The following RAP1GAP variants were observed in gnomAD, a reference collection of about 807,000 sequenced individuals.
The protein encoded by RAP1GAP is RAP1 GTPase activating protein, also known as rap1 GTPase-activating protein 1.
In RAP1GAP, 35 loss-of-function variants were observed where a neutral mutation model predicts 87.2. The ratio of observed to expected loss-of-function variants is 0.40; its 90% CI spans 0.31 to 0.53. The LOEUF (loss-of-function observed/expected upper bound fraction) is 0.53. RAP1GAP is among the 20% of genes least tolerant of loss of function. The pLI, the probability that RAP1GAP is intolerant of heterozygous loss-of-function variation, is 0.48. For synonymous variants in RAP1GAP, 375 were observed against 363.9 expected (o/e 1.03, Z -0.35); for missense variants, 734 against 898.9 (o/e 0.82, Z 2.35).
At chr1:21,604,410 G>A (rs2072159691) in intron 18 of RAP1GAP, among the ~76,000 whole-genome samples, 1 of 152,158 alleles carries the variant, frequency 6.6e-6, no homozygotes, top group East Asian at 1.9e-4. Context: ...ACAGGACGGG[G>A]AAAGGGAAGG....
chr1:21,608,435 C>A, intron 16 of RAP1GAP, 85 bp from the exon 17 acceptor site: 1 of 1,521,692 alleles, frequency 6.6e-7, no homozygotes, highest in Admixed American at 1.9e-5. Flanking sequence ...CCTTCTGAGG[C>A]ACGGGCCACC....
At position 21,608,285 on chromosome 1, in the gene RAP1GAP, C is replaced by G; in HGVS notation, c.1224G>C (p.Met408Ile). ...TGTCCTCGTCGCCGCCCAAGCCCATCATGGACTGGCTGTGGATGTGTAGTT... is the reference window on the plus strand; with the variant it reads ...TGTCCTCGTCGCCGCCCAAGCCCATGATGGACTGGCTGTGGATGTGTAGTT... ...YEELHIHSQSMMGLGGDEDKM... is the reference protein window; with the variant it reads ...YEELHIHSQSIMGLGGDEDKM... The change falls in exon 17 of 25, where the codon ATG (methionine) becomes ATC (isoleucine). Residue 408 changes from methionine to isoleucine, a missense_variant. By Grantham distance (10) the Met-to-Ile change is conservative (BLOSUM62 1). This residue lies in a region of RAP1GAP where 485 missense variants were observed against 646.2 expected (regional missense o/e 0.75). Transcript: ENST00000374765. The G allele has an allele frequency of 6.2e-7, 1 of 1,614,130 alleles. No homozygotes were observed. The highest frequency in any genetic ancestry group is 8.5e-7 in the Non-Finnish European group (1 of 1,179,996).
At position 21,597,963 on chromosome 1, in the gene RAP1GAP, G is replaced by C. The variant is rs752989937; in HGVS notation, c.1981C>G (p.Leu661Val). Residue 661 changes from leucine (L) to valine (V), a missense_variant and splice_region_variant, in exon 23 of 25, where the codon CTG becomes GTG. Leu to Val is a conservative substitution (Grantham distance 32). This residue lies in a region of RAP1GAP where 249 missense variants were observed against 252.7 expected (regional missense o/e 0.99). Transcript: ENST00000374765. The stretch of plus-strand genomic sequence containing the variant: ...CAGCCCCAGGAGGCTGCACGTACCA[G>C]CTGGGGCATGTGCTGCTCAGATGCT... ...LEASEQHMPQ[L>V]GC 6.4e-7 allele frequency: 1 copy of C among 1,566,352 alleles called. No homozygotes were observed. The highest frequency in any genetic ancestry group is 2.4e-5 in the East Asian group (1 of 42,504).
rs747838823 is a variant in RAP1GAP, at chr1:21,634,760, A to G, written c.-112-8363T>C. On this transcript the variant is annotated intron_variant, in intron 2 of 24. Coordinates refer to ENST00000374765, the MANE Select transcript of RAP1GAP (RefSeq NM_002885.4). The surrounding 1 kb of genome is among the most constrained non-coding windows in gnomAD (Gnocchi z 4.1). Reference sequence around the variant, plus strand: ...CATCTGGGAACCAGGCCACCCATTTACCTGCTGTCTATCCAGCATCTGTCT... The same window carrying G: ...CATCTGGGAACCAGGCCACCCATTTGCCTGCTGTCTATCCAGCATCTGTCT... The G allele has an allele frequency of 1.9e-5, 9 of 476,404 alleles. No homozygotes were observed. The highest frequency in any genetic ancestry group is 1.4e-4 in the South Asian group (9 of 65,194). 29.5% of individuals were successfully genotyped at this position (476,404 alleles called of 1,614,324 possible).
rs1241572219 is a variant in RAP1GAP, at chr1:21,637,991, A to AAC, written c.-112-11596_-112-11595dup. 7.3e-5 allele frequency among the ~76,000 whole-genome samples: 11 copies of AAC among 150,390 alleles called. No individual in the cohort carries two copies. In the East Asian group the frequency reaches 2.2e-3, roughly 30 times the overall value. Reference sequence around the variant, plus strand: ...CTCTACCAAAAAAAAAAAAAAAAAAAACCACAAAAATTAGCCGGGTATGGT... The same window carrying AAC: ...CTCTACCAAAAAAAAAAAAAAAAAAAACACCACAAAAATTAGCCGGGTATGGT... On this transcript the variant is annotated intron_variant, in intron 2 of 24. Coordinates refer to ENST00000374765, the MANE Select transcript of RAP1GAP (RefSeq NM_002885.4).
At position 21,622,222 on chromosome 1, in the gene RAP1GAP, C is replaced by G; in HGVS notation, c.-18-2172G>C. On this transcript the variant is annotated intron_variant, in intron 3 of 24. Coordinates refer to ENST00000374765, the MANE Select transcript of RAP1GAP (RefSeq NM_002885.4). This position sits in a 1 kb window ranked among gnomAD's most constrained non-coding sequence, Gnocchi z 5.7. ...GTCAGCCCAGAAGCTCACACGCCCA[C>G]CATGACGGAGCCTTGTCCGCCCGCC... The G allele has an allele frequency of 3.0e-6, 1 of 329,830 alleles. No individual in the cohort carries two copies. The highest frequency in any genetic ancestry group is 5.2e-5 in the Admixed American group (1 of 19,226). The allele number at this position is 329,830 out of a possible 1,614,324, so 20.4% of individuals were successfully genotyped here.
At position 21,606,185 on chromosome 1, in the gene RAP1GAP, T is replaced by C; in HGVS notation, c.1309A>G (p.Ser437Gly). 2 of 1,582,918 alleles carry C rather than the reference T, an allele frequency of 1.3e-6. No homozygotes were observed. Among genetic ancestry groups the C allele is most frequent in the Non-Finnish European group, 1.7e-6 (2 of 1,165,310 alleles). Reference sequence around the variant, plus strand: ...ATGGCATCCATGGACTGGCTGCGGCTCCGGATGACCCGCTGTGAAGGGGGT... The same window carrying C: ...ATGGCATCCATGGACTGGCTGCGGCCCCGGATGACCCGCTGTGAAGGGGGT... The part of the protein sequence containing the change: ...FFESFKRVIR[S>G]RSQSMDAMGL... The change falls in exon 18 of 25, where the codon AGC becomes GGC. Residue 437 changes from serine (S) to glycine (G), a missense_variant. Ser to Gly is a moderately conservative substitution (Grantham distance 56). Around this residue, in one of 2 missense-constraint regions of RAP1GAP, gnomAD observed 485 missense variants for 646.2 expected, o/e 0.75. Coordinates refer to ENST00000374765, the MANE Select transcript of RAP1GAP (RefSeq NM_002885.4).
intron 2 of RAP1GAP, chr1:21,626,790 T>A (rs947653316): frequency 7.0e-6 from 3 of 425,740 alleles, no homozygotes; most frequent in Non-Finnish European, 1.4e-5. Flanking sequence ...GCCTTGGCAT[T>A]GAGGGGCTAC....
At position 21,636,852 on chromosome 1, in the gene RAP1GAP, G is replaced by A. The variant is rs185869024; in HGVS notation, c.-112-10455C>T. 9.6e-3 allele frequency among the ~76,000 whole-genome samples: 1,386 copies of A among 144,168 alleles called. 21 individuals are homozygous for A. The highest frequency in any genetic ancestry group is 0.012 in the Non-Finnish European group (776 of 66,164). 94.6% of individuals were successfully genotyped at this position (144,168 alleles called of 152,430 possible). ...GAGAGAAAGGAAGAAGAAGAAGAAGGAGGAGGAGGAGGAGGAGGGAAAAGG... is the reference window on the plus strand; with the variant it reads ...GAGAGAAAGGAAGAAGAAGAAGAAGAAGGAGGAGGAGGAGGAGGGAAAAGG... On this transcript the variant is annotated intron_variant, in intron 2 of 24. Transcript: ENST00000374765.
chr1:21,633,660 G>A (rs557444050), intron 2 of RAP1GAP, among the ~76,000 whole-genome samples: 4 of 152,210 alleles, frequency 2.6e-5, no homozygotes, highest in South Asian at 2.1e-4. Context: ...CTGGAAGGGC[G>A]GGGGAGGGGT....
chr1:21,606,836 C>A (rs576478659), intron 17 of RAP1GAP, among the ~76,000 whole-genome samples: 15 of 152,352 alleles, frequency 9.8e-5, no homozygotes, highest in African/African-American at 2.9e-4. Flanking sequence ...GACCCATGCC[C>A]TCAACTCTGG....
rs1340875880 is a variant in RAP1GAP, at chr1:21,634,734, G to A, written c.-112-8337C>T. The A allele has an allele frequency of 4.3e-6, 2 of 466,920 alleles. No individual in the cohort carries two copies. Among genetic ancestry groups the A allele is most frequent in the South Asian group, 1.6e-5 (1 of 64,270 alleles). 28.9% of individuals were successfully genotyped at this position (466,920 alleles called of 1,614,324 possible). A position where few individuals can be genotyped will look rare whatever the true frequency, so the allele number is the denominator to read the frequency against. Reference sequence around the variant, plus strand: ...GGGACCGGTCCCTGCCCAGGGCACAGCATCTGGGAACCAGGCCACCCATTT... The same window carrying A: ...GGGACCGGTCCCTGCCCAGGGCACAACATCTGGGAACCAGGCCACCCATTT... On this transcript the variant is annotated intron_variant, in intron 2 of 24. Coordinates refer to ENST00000374765, the MANE Select transcript of RAP1GAP (RefSeq NM_002885.4). The surrounding 1 kb of genome is among the most constrained non-coding windows in gnomAD (Gnocchi z 4.1).
rs774582290 is a variant in RAP1GAP, at chr1:21,612,142, G to T, written c.529-33C>A. On this transcript the variant is annotated intron_variant, in intron 10 of 24. Coordinates refer to ENST00000374765, the MANE Select transcript of RAP1GAP (RefSeq NM_002885.4). The stretch of plus-strand genomic sequence containing the variant: ...AGAGGACGCCGGGTGAAGAGGCTGC[G>T]TGTGCAAGCTGCCATTCGACGTGCT... 2.0e-6 allele frequency: 3 copies of T among 1,488,174 alleles called. No individual in the cohort carries two copies. In the South Asian group the frequency reaches 3.6e-5, roughly 18 times the overall value. 92.2% of individuals were successfully genotyped at this position (1,488,174 alleles called of 1,614,324 possible). A position where few individuals can be genotyped will look rare whatever the true frequency, so the allele number is the denominator to read the frequency against.
At chr1:21,655,002 T>C (rs909762696) in intron 1 of RAP1GAP, among the ~76,000 whole-genome samples, 9 of 152,030 alleles carry the variant, frequency 5.9e-5, no homozygotes, top group Non-Finnish European at 1.0e-4. Context: ...CAGCCGGGCA[T>C]GGTGGTTGGC....
chr1:21,630,764 C>G (rs1483973520), intron 2 of RAP1GAP, among the ~76,000 whole-genome samples: 1 of 152,014 alleles, frequency 6.6e-6, no homozygotes, highest in African/African-American at 2.4e-5. Flanking sequence ...GCTGTGTTGC[C>G]CAGGCTGGTC....
At chr1:21,639,744 C>A (rs764401149) in intron 2 of RAP1GAP, among the ~76,000 whole-genome samples, 10 of 152,170 alleles carry the variant, frequency 6.6e-5, no homozygotes, top group Non-Finnish European at 1.2e-4. Context: ...GACCCCAGGG[C>A]CCTGCCGCAC....
chr1:21,660,669 T>C (rs1251593964), intron 1 of RAP1GAP, among the ~76,000 whole-genome samples: 2 of 152,014 alleles, frequency 1.3e-5, no homozygotes, highest in African/African-American at 4.8e-5. Context: ...TCAGCCTTAG[T>C]TTCCAATCTG....
intron 1 of RAP1GAP, chr1:21,651,858 G>C: frequency 1.8e-6 from 2 of 1,084,848 alleles, no homozygotes; most frequent in Middle Eastern, 4.1e-4. Context: ...GCCCGCGCGA[G>C]CCGGAGCCGC....
At position 21,610,131 on chromosome 1, in the gene RAP1GAP, G is replaced by A. The variant is rs769867631; in HGVS notation, c.988C>T (p.Pro330Ser). Residue 330 changes from proline (P) to serine (S), a missense_variant, in exon 14 of 25, where the codon CCC (proline) becomes TCC (serine). This residue lies in a region of RAP1GAP where 485 missense variants were observed against 646.2 expected (regional missense o/e 0.75). Coordinates refer to ENST00000374765, the MANE Select transcript of RAP1GAP (RefSeq NM_002885.4). ...CCAAGAGCGCCCACCTTGTAGAGGG[G>A]GCCATCAGGGCCCCCGCCCTCAGCC... The part of the protein sequence containing the change: ...VQAEGGGPDG[P>S]LYKVSVTARD... 6 of 1,613,780 alleles carry A rather than the reference G, an allele frequency of 3.7e-6. No individual in the cohort carries two copies. The East Asian group carries it at 6.7e-5, about 18-fold the overall frequency.
Sources: gnomAD v4.1 joint callset for allele counts (sites outside exome capture counted in the v4.1 genomes callset) on GRCh38, gnomAD v4.1.1 for gene constraint, gnomAD v4.1.1 regional missense constraint, Gnocchi (gnomAD v3.1) non-coding constraint, MANE v1.5 for transcripts, NCBI Gene and HGNC (gene_info 2026-07-23, HGNC 2026-07-21) for gene names.